FSTL4: variants seen among roughly 807,000 people sequenced by gnomAD.
The protein encoded by FSTL4 is follistatin-related protein 4.
In FSTL4, 28 loss-of-function variants were observed where a neutral mutation model predicts 78.2. The observed-to-expected ratio is 0.36, with a 90% confidence interval of 0.27 to 0.49. The LOEUF (loss-of-function observed/expected upper bound fraction) is 0.49. FSTL4 is among the 20% of genes least tolerant of loss of function. The probability of loss-of-function intolerance (pLI) is 0.98; values close to 1 mark genes in which losing one functional copy is unlikely to be tolerated. For synonymous variants in FSTL4, 422 were observed against 440.5 expected (o/e 0.96, Z 0.53); for missense variants, 922 against 1,084.9 (o/e 0.85, Z 2.11).
chr5:133,554,795 G>A (rs1011767138), intron 3 of FSTL4, among the ~76,000 whole-genome samples: 2 of 152,224 alleles, frequency 1.3e-5, no homozygotes, highest in African/African-American at 2.4e-5. Flanking sequence ...AGACCAGTGA[G>A]AGGTTTGGAT....
intron 3 of FSTL4, among the ~76,000 whole-genome samples, chr5:133,482,742 G>T (rs1758054491): frequency 6.6e-6 from 1 of 152,158 alleles, no homozygotes; most frequent in African/African-American, 2.4e-5. Context: ...GGGATCCCAA[G>T]GCCTCCCAGG....
At chr5:133,251,498 G>A (rs761665254) in intron 6 of FSTL4, among the ~76,000 whole-genome samples, 1 of 152,000 alleles carries the variant, frequency 6.6e-6, no homozygotes, top group Non-Finnish European at 1.5e-5. Flanking sequence ...CTTTTAACAG[G>A]AAACCAAACA....
chr5:133,240,697 A>G (rs1216198345), intron 7 of FSTL4, among the ~76,000 whole-genome samples: 2 of 152,102 alleles, frequency 1.3e-5, no homozygotes, highest in Non-Finnish European at 2.9e-5. Context: ...CGCATGACTC[A>G]TCTCTTTGTG....
intron 2 of FSTL4, among the ~76,000 whole-genome samples, chr5:133,581,329 T>C (rs1760401775): frequency 6.6e-6 from 1 of 152,212 alleles, no homozygotes; most frequent in Non-Finnish European, 1.5e-5. Context: ...TTCCCTGTCC[T>C]CTTTCTGTTC....
chr5:133,493,249 T>C (rs1207243487), intron 3 of FSTL4, among the ~76,000 whole-genome samples: 1 of 152,194 alleles, frequency 6.6e-6, no homozygotes, highest in Admixed American at 6.5e-5. Context: ...TGATCTGCAA[T>C]TTTATGTTGT....
intron 14 of FSTL4, among the ~76,000 whole-genome samples, chr5:133,205,905 G>A (rs1383652086): frequency 6.6e-6 from 1 of 152,184 alleles, no homozygotes; most frequent in Non-Finnish European, 1.5e-5. Flanking sequence ...ATTAGGAAAT[G>A]AGTCGGAGTC....
chr5:133,671,078 T>A, the FSTL4 span, among the ~76,000 whole-genome samples: 1 of 152,210 alleles, frequency 6.6e-6, no homozygotes, highest in Non-Finnish European at 1.5e-5. Context: ...GTTTCCTGCC[T>A]GCTCCATGAA....
At chr5:133,233,739 C>T (rs1346632249) in intron 7 of FSTL4, among the ~76,000 whole-genome samples, 1 of 152,218 alleles carries the variant, frequency 6.6e-6, no homozygotes, top group African/African-American at 2.4e-5. Context: ...TGGGCCCAGA[C>T]CTCTGCATCT....
At chr5:133,203,950 A>G (rs1378972693) in intron 14 of FSTL4, among the ~76,000 whole-genome samples, 1 of 141,256 alleles carries the variant, frequency 7.1e-6, no homozygotes, top group East Asian at 2.1e-4. Flanking sequence ...CCTGACACAC[A>G]GCTGGGCCCA....
In FSTL4 at chr5:133,294,782, G is replaced by C. The variant is rs115494138; in HGVS notation, c.727+17872C>G. On this transcript the variant is annotated intron_variant, in intron 6 of 15. Transcript: ENST00000265342. ...ACTCCAAGAATTCTTCAGCCCCACC[G>C]GGAATCTACTGACCAACTGTATGCC... is the stretch of plus-strand genomic sequence containing the variant. Among the ~76,000 whole-genome samples, 919 of 152,088 alleles carry C rather than the reference G, an allele frequency of 6.0e-3. 7 individuals are homozygous for C. Among genetic ancestry groups the C allele is most frequent in the African/African-American group, 0.021 (867 of 41,472 alleles).
intron 5 of FSTL4, among the ~76,000 whole-genome samples, chr5:133,314,094 T>C (rs751182482): frequency 6.6e-6 from 1 of 152,240 alleles, no homozygotes; most frequent in Non-Finnish European, 1.5e-5. Flanking sequence ...TGGGCCTGGA[T>C]ACCAAGAGCT....
chr5:133,332,544 C>T (rs1754372936), intron 4 of FSTL4, among the ~76,000 whole-genome samples: 1 of 152,218 alleles, frequency 6.6e-6, no homozygotes, highest in African/African-American at 2.4e-5. Flanking sequence ...ATCTGAGATC[C>T]CAGCAGGAGC....
intron 10 of FSTL4, 62 bp from the exon 11 acceptor site, chr5:133,224,278 A>G: frequency 1.5e-6 from 2 of 1,344,552 alleles, no homozygotes; most frequent in South Asian, 2.4e-5. Context: ...AGAAGAAAGC[A>G]GTGTTAAACC....
At chr5:133,696,751 G>T in the FSTL4 span, among the ~76,000 whole-genome samples, 1 of 152,264 alleles carries the variant, frequency 6.6e-6, no homozygotes, top group Non-Finnish European at 1.5e-5. Context: ...GGAAGCCCCA[G>T]TGGGCAGCCC....
chr5:133,685,586 C>A, the FSTL4 span, among the ~76,000 whole-genome samples: 3 of 152,212 alleles, frequency 2.0e-5, no homozygotes, highest in Non-Finnish European at 4.4e-5. Context: ...CCAGAACACT[C>A]CTGCTGCTTT....
intron 6 of FSTL4, among the ~76,000 whole-genome samples, chr5:133,284,649 T>C (rs1753088081): frequency 6.6e-6 from 1 of 152,224 alleles, no homozygotes; most frequent in African/African-American, 2.4e-5. Context: ...GCTCTTTTTC[T>C]TAAGTCCTTG....
the FSTL4 span, among the ~76,000 whole-genome samples, chr5:133,656,708 G>A: frequency 6.6e-6 from 1 of 152,192 alleles, no homozygotes. Context: ...GTAAGGATGT[G>A]TGTGCCTTGA....
chr5:133,625,805 TATATATATATTCC>T, the FSTL4 span, among the ~76,000 whole-genome samples: 18 of 10,898 alleles, frequency 1.7e-3, 3 homozygotes, highest in Admixed American at 2.9e-3. Flanking sequence ...ATATATTCCA[TATATATATATTCC>T]ATATATATAT....
chr5:133,576,361 C>T (rs1252806175), intron 2 of FSTL4, among the ~76,000 whole-genome samples: 3 of 152,196 alleles, frequency 2.0e-5, no homozygotes, highest in Admixed American at 2.0e-4. Context: ...AAGCCTCAGT[C>T]TGTCACCCAG....
Sources: gnomAD v4.1 joint callset for allele counts (sites outside exome capture counted in the v4.1 genomes callset) on GRCh38, gnomAD v4.1.1 for gene constraint, MANE v1.5 for transcripts, NCBI Gene and HGNC (gene_info 2026-07-23, HGNC 2026-07-21) for gene names.